The following MACROD2 variants were observed in gnomAD, a reference collection of about 807,000 sequenced individuals.
MACROD2 encodes the protein mono-ADP ribosylhydrolase 2.
Under a neutral mutation model 70.4 loss-of-function variants are expected in MACROD2, and 36 were observed. The observed-to-expected ratio is 0.51, with a 90% CI of 0.39 to 0.68. MACROD2 has a LOEUF of 0.68. MACROD2 is among the 30% of genes least tolerant of loss of function. The probability of loss-of-function intolerance (pLI) is 0.00; values close to 1 mark genes in which losing one functional copy is unlikely to be tolerated. For missense variants in MACROD2, 496 were observed against 538.4 expected, an observed-to-expected ratio of 0.92 and a Z score of 0.78; for synonymous variants, 172 against 178.8, an observed-to-expected ratio of 0.96 and a Z score of 0.30.
chr20:15,222,299 G>T (rs1568648207), intron 5 of MACROD2, among the ~76,000 whole-genome samples: 1 of 152,142 alleles, frequency 6.6e-6, no homozygotes, highest in East Asian at 1.9e-4. Flanking sequence ...ATAGACAATT[G>T]ATTGTTTCTT....
chr20:15,984,122 T>A (rs867952631), intron 13 of MACROD2, among the ~76,000 whole-genome samples: 1 of 86,668 alleles, frequency 1.2e-5, no homozygotes, highest in African/African-American at 3.3e-5. Flanking sequence ...AGACTTTTTT[T>A]AACTTTTTAT....
intron 3 of MACROD2, among the ~76,000 whole-genome samples, chr20:14,391,157 A>T (rs2083522394): frequency 6.6e-6 from 1 of 152,234 alleles, no homozygotes; most frequent in African/African-American, 2.4e-5. Context: ...GTTCTGTTAT[A>T]AAGATACATG....
intron 5 of MACROD2, among the ~76,000 whole-genome samples, chr20:14,733,733 A>G (rs886875640): frequency 4.6e-5 from 7 of 152,200 alleles, no homozygotes; most frequent in Non-Finnish European, 1.0e-4. Context: ...GATGCATTAT[A>G]AAATAGGCAG....
intron 5 of MACROD2, among the ~76,000 whole-genome samples, chr20:15,022,311 T>C (rs897471959): frequency 6.6e-6 from 1 of 152,188 alleles, no homozygotes; most frequent in Non-Finnish European, 1.5e-5. Flanking sequence ...GCACTTTAAA[T>C]ACCAATTCAC....
intron 8 of MACROD2, among the ~76,000 whole-genome samples, chr20:15,591,891 A>G (rs1190647281): frequency 6.6e-6 from 1 of 152,184 alleles, no homozygotes; most frequent in Admixed American, 6.5e-5. Context: ...AATCTGGACC[A>G]AAGTGATTTG....
At chr20:15,450,407 T>G (rs2046624484) in intron 7 of MACROD2, among the ~76,000 whole-genome samples, 1 of 152,040 alleles carries the variant, frequency 6.6e-6, no homozygotes, top group Non-Finnish European at 1.5e-5. Context: ...TTTTATAAAT[T>G]TCTTTAGACT....
chr20:14,666,499 A>T (rs1318154596), intron 4 of MACROD2, among the ~76,000 whole-genome samples: 1 of 152,018 alleles, frequency 6.6e-6, no homozygotes, highest in Non-Finnish European at 1.5e-5. Flanking sequence ...TAAGGTACTG[A>T]GTCATTGTAG....
At chr20:14,600,933 TAG>T (rs1021998711) in intron 4 of MACROD2, among the ~76,000 whole-genome samples, 1 of 152,136 alleles carries the variant, frequency 6.6e-6, no homozygotes, top group African/African-American at 2.4e-5. Flanking sequence ...TTCCATGGCA[TAG>T]AGAGAGAGCA....
intron 4 of MACROD2, among the ~76,000 whole-genome samples, chr20:14,507,298 A>T (rs1247463247): frequency 6.6e-6 from 1 of 152,146 alleles, no homozygotes; most frequent in Non-Finnish European, 1.5e-5. Flanking sequence ...GTAAAAAAAT[A>T]TGCAAATAAA....
chr20:14,529,250 T>G (rs1462868865), intron 4 of MACROD2, among the ~76,000 whole-genome samples: 1 of 152,208 alleles, frequency 6.6e-6, no homozygotes, highest in Non-Finnish European at 1.5e-5. Context: ...TTATCTCACA[T>G]CACAAGAAGT....
chr20:15,765,572 T>C (rs184120790), intron 8 of MACROD2, among the ~76,000 whole-genome samples: 67 of 152,356 alleles, frequency 4.4e-4, no homozygotes, highest in Non-Finnish European at 7.6e-4. Context: ...AATATTTTTA[T>C]TTTTCAATCT....
chr20:14,714,892 C>A (rs1020593773), intron 5 of MACROD2, among the ~76,000 whole-genome samples: 1 of 152,146 alleles, frequency 6.6e-6, no homozygotes, highest in African/African-American at 2.4e-5. Context: ...TCCGCAGTGT[C>A]CACAGTGTTT....
chr20:14,549,805 T>C (rs1354858609), intron 4 of MACROD2, among the ~76,000 whole-genome samples: 1 of 152,232 alleles, frequency 6.6e-6, no homozygotes, highest in African/African-American at 2.4e-5. Flanking sequence ...CATTCAAATA[T>C]CACTGTGGTG....
chr20:15,472,391 A>G (rs1188277690), intron 7 of MACROD2, among the ~76,000 whole-genome samples: 1 of 152,158 alleles, frequency 6.6e-6, no homozygotes, highest in Non-Finnish European at 1.5e-5. Context: ...CTGCAGGCTT[A>G]GAAGACTATA....
At chr20:15,893,930 C>T (rs2064928880) in intron 10 of MACROD2, 1 of 456,598 alleles carries the variant, frequency 2.2e-6, no homozygotes, top group South Asian at 1.5e-5. Flanking sequence ...TAGGAAGTGC[C>T]TCAGTCTGCA....
intron 6 of MACROD2, among the ~76,000 whole-genome samples, chr20:15,352,140 G>C (rs1362499279): frequency 6.6e-6 from 1 of 152,142 alleles, no homozygotes; most frequent in Non-Finnish European, 1.5e-5. Flanking sequence ...AAGAAGAAAA[G>C]CAACTTGAAG....
At chr20:15,334,103 C>G (rs1415373265) in intron 6 of MACROD2, among the ~76,000 whole-genome samples, 1 of 151,658 alleles carries the variant, frequency 6.6e-6, no homozygotes, top group Non-Finnish European at 1.5e-5. Context: ...TCTTTGTCCC[C>G]TGTTCCCTCA....
intron 6 of MACROD2, among the ~76,000 whole-genome samples, chr20:15,303,767 C>A (rs2077669643): frequency 6.6e-6 from 1 of 152,228 alleles, no homozygotes; most frequent in African/African-American, 2.4e-5. Context: ...TTTTTTCATG[C>A]CCCCAGTCTC....
intron 3 of MACROD2, among the ~76,000 whole-genome samples, chr20:14,457,848 C>T (rs2084321211): frequency 6.6e-6 from 1 of 152,014 alleles, no homozygotes; most frequent in Admixed American, 6.6e-5. Flanking sequence ...GCCTGTAATC[C>T]TGACACTTTG....
Sources: gnomAD v4.1 joint callset for allele counts (sites outside exome capture counted in the v4.1 genomes callset) on GRCh38, gnomAD v4.1.1 for gene constraint, MANE v1.5 for transcripts, NCBI Gene and HGNC (gene_info 2026-07-23, HGNC 2026-07-21) for gene names.